LARS2: variants seen among roughly 807,000 people sequenced by gnomAD.
The protein encoded by LARS2 is leucine--tRNA ligase, mitochondrial.
In LARS2, 81 loss-of-function variants were observed where a neutral mutation model predicts 116.6. The ratio of observed to expected loss-of-function variants is 0.69; its 90% CI spans 0.58 to 0.84. LARS2 has a LOEUF of 0.84. Among genes scored for constraint, LARS2 ranks in the 40% least tolerant of loss-of-function variants. The pLI, the probability that LARS2 is intolerant of heterozygous loss-of-function variation, is 0.00. For missense variants in LARS2, 968 were observed against 1,114.5 expected, an observed-to-expected ratio of 0.87 and a Z score of 1.87; for synonymous variants, 396 against 407.2, an observed-to-expected ratio of 0.97 and a Z score of 0.33.
intron 21 of LARS2, among the ~76,000 whole-genome samples, chr3:45,544,397 A>G (rs1700844781): frequency 6.6e-6 from 1 of 152,220 alleles, no homozygotes; most frequent in Non-Finnish European, 1.5e-5. Context: ...GGAGGCACAC[A>G]CAGTGCCTGC....
intron 6 of LARS2, among the ~76,000 whole-genome samples, chr3:45,436,359 A>C (rs1356688268): frequency 2.0e-5 from 3 of 151,966 alleles, no homozygotes; most frequent in African/African-American, 4.8e-5. Context: ...AAAAAAAAAA[A>C]CAAAAACAGG....
chr3:45,452,521 A>C (rs776849221), intron 7 of LARS2, among the ~76,000 whole-genome samples: 3 of 152,162 alleles, frequency 2.0e-5, no homozygotes, highest in Non-Finnish European at 4.4e-5. Flanking sequence ...CCATCCTTGC[A>C]TCCCTGGGAT....
chr3:45,443,179 C>A (rs530868524), intron 6 of LARS2, among the ~76,000 whole-genome samples: 1 of 152,296 alleles, frequency 6.6e-6, no homozygotes, highest in Non-Finnish European at 1.5e-5. Flanking sequence ...TCTGTGGGTA[C>A]TGAAACCCCT....
chr3:45,389,227 C>T (rs972897931), intron 1 of LARS2: 10 of 151,850 alleles, frequency 6.6e-5, no homozygotes, highest in African/African-American at 2.4e-4. Context: ...CAGATGTCCT[C>T]GTGTGCTTCT....
intron 15 of LARS2, among the ~76,000 whole-genome samples, chr3:45,504,394 G>C (rs1700167971): frequency 6.6e-6 from 1 of 152,000 alleles, no homozygotes; most frequent in Non-Finnish European, 1.5e-5. Context: ...CCTCGGACCA[G>C]ATGGCCGACT....
At chr3:45,497,956 C>T (rs1317393903) in intron 14 of LARS2, among the ~76,000 whole-genome samples, 1 of 151,966 alleles carries the variant, frequency 6.6e-6, no homozygotes, top group Non-Finnish European at 1.5e-5. Flanking sequence ...GAGTGAAAGA[C>T]ACCCTGCAAA....
At chr3:45,424,481 A>G (rs1003855131) in intron 6 of LARS2, among the ~76,000 whole-genome samples, 4 of 152,198 alleles carry the variant, frequency 2.6e-5, no homozygotes, top group African/African-American at 9.6e-5. Flanking sequence ...ATTGTACATC[A>G]CGGACTATCA....
chr3:45,411,713 T>G (rs1698334792), intron 4 of LARS2, among the ~76,000 whole-genome samples: 1 of 152,252 alleles, frequency 6.6e-6, no homozygotes, highest in Non-Finnish European at 1.5e-5. Flanking sequence ...TTAAAAAATT[T>G]ATTTTAGGTT....
intron 20 of LARS2, among the ~76,000 whole-genome samples, chr3:45,529,523 T>C (rs1051134773): frequency 4.7e-5 from 7 of 148,116 alleles, no homozygotes; most frequent in Non-Finnish European, 1.0e-4. Context: ...CACTCCATCC[T>C]GGGCAATGAG....
intron 21 of LARS2, among the ~76,000 whole-genome samples, chr3:45,545,740 T>G (rs1488851872): frequency 6.6e-6 from 1 of 152,170 alleles, no homozygotes; most frequent in Non-Finnish European, 1.5e-5. Flanking sequence ...TCACCAGTGA[T>G]GACTTAGGAC....
intron 9 of LARS2, among the ~76,000 whole-genome samples, chr3:45,474,933 G>A (rs1343980249): frequency 6.6e-6 from 1 of 152,200 alleles, no homozygotes; most frequent in African/African-American, 2.4e-5. Flanking sequence ...CTTAGGGATT[G>A]TGTTTGAAAC....
At chr3:45,404,606 C>A (rs1238010621) in intron 4 of LARS2, among the ~76,000 whole-genome samples, 1 of 152,164 alleles carries the variant, frequency 6.6e-6, no homozygotes, top group Non-Finnish European at 1.5e-5. Flanking sequence ...AGTAAGTAAT[C>A]ATTGAGCACC....
chr3:45,505,381 A>G (rs1700184359), intron 15 of LARS2, among the ~76,000 whole-genome samples: 1 of 151,808 alleles, frequency 6.6e-6, no homozygotes, highest in Non-Finnish European at 1.5e-5. Context: ...TTAAAAACCA[A>G]ATACAACTTG....
chr3:45,441,064 C>T (rs1010073788), intron 6 of LARS2, among the ~76,000 whole-genome samples: 10 of 147,908 alleles, frequency 6.8e-5, no homozygotes, highest in South Asian at 2.1e-4. Context: ...CTTGCTCTGT[C>T]GCCCAGGCTG....
chr3:45,468,555 G>A (rs3774691), intron 8 of LARS2, among the ~76,000 whole-genome samples: 5,369 of 152,302 alleles, frequency 0.035, 100 homozygotes, highest in Middle Eastern at 0.068. Flanking sequence ...TCATCAGACA[G>A]GTGGCTCTGT....
chr3:45,528,342 A>C (rs1488702642), intron 20 of LARS2, among the ~76,000 whole-genome samples: 4 of 152,174 alleles, frequency 2.6e-5, no homozygotes, highest in Admixed American at 6.5e-5. Flanking sequence ...GTCTCACAAA[A>C]CATAGAAAAA....
chr3:45,485,815 G>A lies in LARS2; in HGVS notation c.1123+19G>A. On this transcript the variant is annotated intron_variant, in intron 11 of 21. Transcript: ENST00000645846. ...AAAATAGGTAAGCAGCTATTAAAAT[G>A]TAACCACAACGGTATATTTTGCAGA... The A allele has an allele frequency of 1.4e-6, 2 of 1,463,376 alleles. No individual in the cohort carries two copies. The highest frequency in any genetic ancestry group is 1.9e-6 in the Non-Finnish European group (2 of 1,047,540). 90.6% of individuals were successfully genotyped at this position (1,463,376 alleles called of 1,614,324 possible).
intron 6 of LARS2, among the ~76,000 whole-genome samples, chr3:45,433,667 T>C (rs960935463): frequency 1.3e-5 from 2 of 152,190 alleles, no homozygotes. Context: ...CTATCGTATT[T>C]ACCCCTATTT....
At chr3:45,401,623 TA>T (rs912364364) in intron 4 of LARS2, among the ~76,000 whole-genome samples, 2 of 152,252 alleles carry the variant, frequency 1.3e-5, no homozygotes, top group African/African-American at 4.8e-5. Flanking sequence ...GCCTGCTTTT[TA>T]AAAAAATTTT....
Sources: gnomAD v4.1 joint callset for allele counts (sites outside exome capture counted in the v4.1 genomes callset) on GRCh38, gnomAD v4.1.1 for gene constraint, MANE v1.5 for transcripts, NCBI Gene and HGNC (gene_info 2026-07-23, HGNC 2026-07-21) for gene names.